The following LGR6 variants were observed in gnomAD, a reference collection of about 807,000 sequenced individuals.
The protein encoded by LGR6 is leucine rich repeat containing G protein-coupled receptor 6, also known as leucine-rich repeat-containing G protein-coupled receptor 6.
Under a neutral mutation model 69.4 loss-of-function variants are expected in LGR6, and 45 were observed. The ratio of observed to expected loss-of-function variants is 0.65; its 90% CI spans 0.51 to 0.83. The LOEUF is 0.83. Among genes scored for constraint, LGR6 ranks in the 40% least tolerant of loss-of-function variants. LGR6 has a pLI of 0.00. For missense variants in LGR6, 1,108 were observed against 1,246.7 expected (o/e 0.89, Z 1.68); for synonymous variants, 538 against 555.0 (o/e 0.97, Z 0.43).
chr1:202,254,052 G>A (rs561448575), intron 4 of LGR6, among the ~76,000 whole-genome samples: 3 of 151,810 alleles, frequency 2.0e-5, no homozygotes, highest in Non-Finnish European at 4.4e-5. Context: ...TGATCCGCCC[G>A]CCTCGGCCTC....
rs543832641 is a variant in LGR6, at chr1:202,222,646, G to C, written c.213-2777G>C. 6.8e-4 allele frequency among the ~76,000 whole-genome samples: 104 copies of C among 152,306 alleles called. 2 individuals carry two copies. Among genetic ancestry groups the C allele is most frequent in the Non-Finnish European group, 1.1e-3 (76 of 68,028 alleles). On this transcript the variant is annotated intron_variant, in intron 1 of 17. Transcript: ENST00000367278. ...AGAATGAGCCAGGGGTGGGACACCA[G>C]GGGGAGGAGTCCGATCTGGCCCAGC...
At chr1:202,264,963 G>A (rs367719268) in intron 4 of LGR6, among the ~76,000 whole-genome samples, 18 of 152,210 alleles carry the variant, frequency 1.2e-4, no homozygotes, top group South Asian at 8.3e-4. Flanking sequence ...AATTGCCTTC[G>A]TTTTAATATC....
At chr1:202,275,749 G>A (rs961346693) in intron 4 of LGR6, among the ~76,000 whole-genome samples, 8 of 152,166 alleles carry the variant, frequency 5.3e-5, no homozygotes, top group Non-Finnish European at 1.0e-4. Flanking sequence ...TCGGTTCAGA[G>A]GGAGGACATT....
intron 12 of LGR6, 25 bp downstream of exon 12, chr1:202,305,774 A>T (rs1219760619): frequency 1.2e-6 from 2 of 1,607,124 alleles, no homozygotes; most frequent in African/African-American, 1.3e-5. Context: ...GGGAAGAGGC[A>T]AAAGCACGCC....
intron 1 of LGR6, among the ~76,000 whole-genome samples, chr1:202,206,072 C>T (rs1659220317): frequency 6.6e-6 from 1 of 152,224 alleles, no homozygotes; most frequent in Non-Finnish European, 1.5e-5. Context: ...TTTTTTCTCC[C>T]TTCCTCTCAG....
At position 202,194,214 on chromosome 1, in the gene LGR6, CG is replaced by C; in HGVS notation, c.212+14del. Reference sequence around the variant, plus strand: ...TGACGGCTTACCTGTGAGTACTGCCCGCCTGTCCCCGCCTGGTCCTGCGGGC... The same window carrying C: ...TGACGGCTTACCTGTGAGTACTGCCCCCTGTCCCCGCCTGGTCCTGCGGGC... On this transcript the variant is annotated intron_variant, in intron 1 of 17. Transcript: ENST00000367278. 6.6e-7 allele frequency: 1 copy of C among 1,521,862 alleles called. No individual in the cohort carries two copies. Among genetic ancestry groups the C allele is most frequent in the South Asian group, 1.2e-5 (1 of 81,550 alleles). The allele number at this position is 1,521,862 out of a possible 1,614,324, so 94.3% of individuals were successfully genotyped here.
intron 5 of LGR6, among the ~76,000 whole-genome samples, chr1:202,279,019 G>A (rs1195935303): frequency 6.6e-6 from 1 of 152,196 alleles, no homozygotes; most frequent in African/African-American, 2.4e-5. Flanking sequence ...GGTTGAATGA[G>A]TGGTTTAGGG....
intron 1 of LGR6, among the ~76,000 whole-genome samples, chr1:202,198,810 G>A (rs1658736096): frequency 6.6e-6 from 1 of 151,900 alleles, no homozygotes; most frequent in African/African-American, 2.4e-5. Flanking sequence ...TGAGGAAGCA[G>A]AGAAACAGGC....
At position 202,268,645 on chromosome 1, in the gene LGR6, C is replaced by T. The variant is rs1033784353; in HGVS notation, c.429-7661C>T. 3.3e-5 allele frequency among the ~76,000 whole-genome samples: 5 copies of T among 152,152 alleles called. No homozygotes were observed. The highest frequency in any genetic ancestry group is 2.6e-4 in the Admixed American group (4 of 15,274). On this transcript the variant is annotated intron_variant, in intron 4 of 17. Coordinates refer to ENST00000367278, the MANE Select transcript of LGR6 (RefSeq NM_001017403.2). The surrounding 1 kb of genome is among the most constrained non-coding windows in gnomAD (Gnocchi z 4.4). ...CAGAGATGAAAACCAGCCCTGGGGT[C>T]GGCCAGGAGCAAACAATCAGTAATC... is the stretch of plus-strand genomic sequence containing the variant.
intron 1 of LGR6, among the ~76,000 whole-genome samples, chr1:202,202,776 A>G (rs2147892686): frequency 6.6e-6 from 1 of 152,330 alleles, no homozygotes; most frequent in South Asian, 2.1e-4. Context: ...GAGCTTGCCG[A>G]GAATGAGACC....
intron 4 of LGR6, among the ~76,000 whole-genome samples, chr1:202,264,531 C>G (rs559514129): frequency 3.3e-5 from 5 of 152,136 alleles, no homozygotes; most frequent in Admixed American, 2.6e-4. Context: ...TCAGACAGCC[C>G]ACGAAGGTCG....
intron 1 of LGR6, among the ~76,000 whole-genome samples, chr1:202,207,897 C>T (rs992214572): frequency 6.6e-6 from 1 of 152,210 alleles, no homozygotes; most frequent in Non-Finnish European, 1.5e-5. Flanking sequence ...GTAGTAGGCA[C>T]AGCTGTGCTA....
intron 1 of LGR6, among the ~76,000 whole-genome samples, chr1:202,194,933 C>T (rs930920608): frequency 1.3e-5 from 2 of 152,090 alleles, no homozygotes; most frequent in African/African-American, 2.4e-5. Flanking sequence ...GGTGAGATGG[C>T]GCGTGAAGGG....
At chr1:202,290,309 C>A (rs1281872466) in intron 6 of LGR6, among the ~76,000 whole-genome samples, 2 of 152,208 alleles carry the variant, frequency 1.3e-5, no homozygotes, top group Admixed American at 6.5e-5. Context: ...TACAAAAAGA[C>A]ATCTAACTTC....
chr1:202,213,150 A>G (rs1442557956), intron 1 of LGR6, among the ~76,000 whole-genome samples: 1 of 152,156 alleles, frequency 6.6e-6, no homozygotes, highest in African/African-American at 2.4e-5. Flanking sequence ...GCAATAAGGA[A>G]CTTGGGCTGA....
intron 6 of LGR6, among the ~76,000 whole-genome samples, chr1:202,294,813 ACC>A (rs1667031068): frequency 6.6e-6 from 1 of 152,162 alleles, no homozygotes; most frequent in Admixed American, 6.5e-5. Context: ...CTTTTAATCT[ACC>A]ACACTGGATA....
intron 4 of LGR6, among the ~76,000 whole-genome samples, chr1:202,260,764 CAACT>C (rs552827254): frequency 7.2e-5 from 11 of 151,798 alleles, no homozygotes; most frequent in South Asian, 4.2e-4. Flanking sequence ...TTTTTGTGGC[CAACT>C]AACTAATATA....
At chr1:202,289,184 C>T (rs1266602608) in intron 6 of LGR6, among the ~76,000 whole-genome samples, 2 of 152,160 alleles carry the variant, frequency 1.3e-5, no homozygotes, top group African/African-American at 4.8e-5. Context: ...GAGGGCCAAG[C>T]AGGGAAGTGA....
chr1:202,243,448 A>G (rs889218182), intron 4 of LGR6, among the ~76,000 whole-genome samples: 3 of 152,220 alleles, frequency 2.0e-5, no homozygotes, highest in African/African-American at 4.8e-5. Context: ...GAGGCTGGTC[A>G]TGCCTAATAA....
Sources: gnomAD v4.1 joint callset for allele counts (sites outside exome capture counted in the v4.1 genomes callset) on GRCh38, gnomAD v4.1.1 for gene constraint, Gnocchi (gnomAD v3.1) non-coding constraint, MANE v1.5 for transcripts, NCBI Gene and HGNC (gene_info 2026-07-23, HGNC 2026-07-21) for gene names.